HSD17B4: variants seen among roughly 807,000 people sequenced by gnomAD.
The protein encoded by HSD17B4 is peroxisomal multifunctional enzyme type 2.
A neutral mutation model predicts 101.0 loss-of-function variants in HSD17B4; 70 were observed. The ratio of observed to expected loss-of-function variants is 0.69; its 90% confidence interval spans 0.57 to 0.85. The LOEUF is 0.85. Ranked by LOEUF, HSD17B4 falls within the 40% of genes least tolerant of loss-of-function variation. The pLI, the probability that HSD17B4 is intolerant of heterozygous loss-of-function variation, is 0.00. For missense variants in HSD17B4, 984 were observed against 892.4 expected (o/e 1.10, Z -1.31); for synonymous variants, 347 against 297.1 (o/e 1.17, Z -1.73).
chr5:119,521,318 G>A (rs1010399731), intron 17 of HSD17B4, among the ~76,000 whole-genome samples: 1 of 152,064 alleles, frequency 6.6e-6, no homozygotes, highest in Non-Finnish European at 1.5e-5. Flanking sequence ...GATTATTTTC[G>A]TTTTTAAAGT....
At chr5:119,539,288 G>T (rs1009360604) in intron 23 of HSD17B4, among the ~76,000 whole-genome samples, 1 of 152,058 alleles carries the variant, frequency 6.6e-6, no homozygotes, top group Non-Finnish European at 1.5e-5. Context: ...CCTTTGTAGG[G>T]ACATGGATGA....
intron 21 of HSD17B4, among the ~76,000 whole-genome samples, chr5:119,530,814 C>A (rs1440319331): frequency 7.9e-6 from 1 of 127,094 alleles, no homozygotes; most frequent in Non-Finnish European, 1.6e-5. Context: ...GATTGCACTA[C>A]TGCATTCTAG....
rs777009793 is a variant in HSD17B4, at chr5:119,506,876, G to A, written c.1320G>A (p.Val440=). The A allele has an allele frequency of 6.6e-7, 1 of 1,514,250 alleles. No individual in the cohort carries two copies. The highest frequency in any genetic ancestry group is 9.2e-7 in the Non-Finnish European group (1 of 1,090,448). 93.8% of individuals were successfully genotyped at this position (1,514,250 alleles called of 1,614,324 possible). A position where few individuals can be genotyped will look rare whatever the true frequency, so the allele number is the denominator to read the frequency against. ...ADVLDKGSGV[V]IIMDVYSYSE... is the part of the protein sequence containing the mutation. The stretch of plus-strand genomic sequence containing the variant: ...TCCTAGATAAAGGATCCGGTGTAGT[G>A]ATTATTATGGATGGTAATTTATTTA... The change falls in exon 15 of 24, where the codon GTG becomes GTA. Residue 440 remains valine (V), a synonymous_variant. Coordinates refer to ENST00000510025, the MANE Select transcript of HSD17B4 (RefSeq NM_000414.4).
chr5:119,534,381 A>G (rs1754368785), intron 22 of HSD17B4, among the ~76,000 whole-genome samples: 1 of 152,032 alleles, frequency 6.6e-6, no homozygotes, highest in African/African-American at 2.4e-5. Context: ...TATGTACTAT[A>G]TATGTACTGT....
At chr5:119,516,641 G>C (rs1485701842) in intron 17 of HSD17B4, among the ~76,000 whole-genome samples, 2 of 152,160 alleles carry the variant, frequency 1.3e-5, no homozygotes, top group African/African-American at 4.8e-5. Context: ...CTATATACCA[G>C]TTCCCTAAAA....
intron 8 of HSD17B4, among the ~76,000 whole-genome samples, chr5:119,483,509 C>T (rs1749336312): frequency 6.6e-6 from 1 of 152,026 alleles, no homozygotes; most frequent in African/African-American, 2.4e-5. Context: ...GAACATTTTC[C>T]CATTTAATAA....
chr5:119,500,804 A>G (rs1751086668), intron 13 of HSD17B4, among the ~76,000 whole-genome samples: 1 of 152,168 alleles, frequency 6.6e-6, no homozygotes, highest in Admixed American at 6.5e-5. Context: ...GAGAAGCCAA[A>G]TGAATGAAGT....
intron 2 of HSD17B4, among the ~76,000 whole-genome samples, chr5:119,460,413 C>T (rs1012517698): frequency 6.6e-6 from 1 of 152,162 alleles, no homozygotes; most frequent in Non-Finnish European, 1.5e-5. Flanking sequence ...ATGAGCCGTA[C>T]ATGAAATACC....
intron 17 of HSD17B4, among the ~76,000 whole-genome samples, chr5:119,515,460 C>A (rs999412595): frequency 2.0e-5 from 3 of 152,018 alleles, no homozygotes; most frequent in African/African-American, 7.2e-5. Flanking sequence ...TGCCACACTG[C>A]TTGGAAACAG....
At chr5:119,535,552 T>C in intron 22 of HSD17B4, among the ~76,000 whole-genome samples, 1 of 151,656 alleles carries the variant, frequency 6.6e-6, no homozygotes, top group East Asian at 1.9e-4. Context: ...TGTTTAGTTT[T>C]AGTTTATGAA....
At chr5:119,455,753 T>G (rs1754570268) in intron 1 of HSD17B4, among the ~76,000 whole-genome samples, 3 of 152,020 alleles carry the variant, frequency 2.0e-5, no homozygotes, top group African/African-American at 7.2e-5. Context: ...GCAGGTCTTC[T>G]TAGAATAACT....
intron 11 of HSD17B4, among the ~76,000 whole-genome samples, chr5:119,495,371 A>G (rs980588914): frequency 7.9e-5 from 12 of 152,224 alleles, no homozygotes; most frequent in Non-Finnish European, 1.8e-4. Context: ...TTTGAAGCAC[A>G]ATTTTTAAAA....
chr5:119,496,409 T>C, intron 11 of HSD17B4, 134 bp from the exon 12 acceptor site: 1 of 668,914 alleles, frequency 1.5e-6, no homozygotes, highest in East Asian at 2.7e-5. Context: ...ATACATTCAG[T>C]TCATGAGTGG....
chr5:119,530,870 AC>A lies in HSD17B4; in HGVS notation c.1855-395del, dbSNP rs1354566550. ...CAAAAAAAAAAAAAAAAAACAAAAA[AC>A]AAAAAAAACCCAAAACTTAAGTTTT... On this transcript the variant is annotated intron_variant, in intron 21 of 23. Transcript: ENST00000510025. Among the ~76,000 whole-genome samples, 206 of 141,490 alleles carry A rather than the reference AC, an allele frequency of 1.5e-3. 5 individuals carry two copies. The highest frequency in any genetic ancestry group is 4.9e-3 in the African/African-American group (171 of 34,962). The allele number at this position is 141,490 out of a possible 152,430, so 92.8% of individuals were successfully genotyped here.
intron 9 of HSD17B4, among the ~76,000 whole-genome samples, 184 bp downstream of exon 9, chr5:119,489,467 TTC>T (rs1749903980): frequency 2.6e-5 from 4 of 152,200 alleles, no homozygotes; most frequent in Non-Finnish European, 5.9e-5. Context: ...TTTTACTTAG[TTC>T]TACATTTGTA....
rs201190223 is a variant in HSD17B4 at position 119,462,595 on chromosome 5, AC to A, written c.112+6228del. ...TTATTACTACTAGAATTTTAGCTAT[AC>A]GTTTAAGTGGTAACAGTGTCACATG... On this transcript the variant is annotated intron_variant, in intron 2 of 23. Coordinates refer to ENST00000510025, the MANE Select transcript of HSD17B4 (RefSeq NM_000414.4). Among the ~76,000 whole-genome samples the A allele has an allele frequency of 6.1e-3, 924 of 152,288 alleles. 8 individuals carry two copies. Among genetic ancestry groups the A allele is most frequent in the African/African-American group, 0.021 (878 of 41,564 alleles).
intron 8 of HSD17B4, among the ~76,000 whole-genome samples, chr5:119,483,764 A>G (rs1053567429): frequency 3.9e-5 from 6 of 152,124 alleles, no homozygotes; most frequent in African/African-American, 1.4e-4. Context: ...TTTCTTCTGC[A>G]TTATTTCAAA....
intron 4 of HSD17B4, among the ~76,000 whole-genome samples, chr5:119,474,806 T>G (rs1430074467): frequency 6.6e-6 from 1 of 152,190 alleles, no homozygotes; most frequent in Non-Finnish European, 1.5e-5. Flanking sequence ...GTGGATTCTT[T>G]TGGATAATTA....
In HSD17B4 at chr5:119,524,355, A is replaced by AT. The variant is rs1367992027; in HGVS notation, c.1504-860dup. Among the ~76,000 whole-genome samples, 7 of 152,266 alleles carry AT rather than the reference A, an allele frequency of 4.6e-5. No homozygotes were observed. In the South Asian group the frequency reaches 1.0e-3, roughly 23 times the overall value. On this transcript the variant is annotated intron_variant, in intron 17 of 23. Coordinates refer to ENST00000510025, the MANE Select transcript of HSD17B4 (RefSeq NM_000414.4). ...ATCAGTAGTTTAAAAGTAATAAAAG[A>AT]TCAGTAATTTTAAAAAGATATGGCT...
Sources: gnomAD v4.1 joint callset for allele counts (sites outside exome capture counted in the v4.1 genomes callset) on GRCh38, gnomAD v4.1.1 for gene constraint, MANE v1.5 for transcripts, NCBI Gene and HGNC (gene_info 2026-07-23, HGNC 2026-07-21) for gene names.